PYGB: variants seen among roughly 807,000 people sequenced by gnomAD.
The protein encoded by PYGB is glycogen phosphorylase B.
Under a neutral mutation model 94.3 loss-of-function variants are expected in PYGB, and 82 were observed. That is an observed-to-expected ratio of 0.87 (90% CI 0.73 to 1.04). PYGB has a LOEUF of 1.04. PYGB is among the 50% of genes least tolerant of loss of function. The pLI, the probability that PYGB is intolerant of heterozygous loss-of-function variation, is 0.00. For missense variants in PYGB, 1,132 were observed against 1,158.2 expected, an observed-to-expected ratio of 0.98 and a Z score of 0.33; for synonymous variants, 488 against 479.1, an observed-to-expected ratio of 1.02 and a Z score of -0.24.
rs558111607 is a variant in PYGB, at chr20:25,259,322, A to G, written c.329A>G (p.Asp110Gly). 2 of 1,608,534 alleles carry G rather than the reference A, an allele frequency of 1.2e-6. No homozygotes were observed. The highest frequency in any genetic ancestry group is 1.7e-6 in the Non-Finnish European group (2 of 1,174,906). ...AACCTGGGCCTTCAGAATGCCTGCG[A>G]TGAAGCCATCTATCAGGTACAGAGC... Reference protein sequence around the residue: ...MVNLGLQNACDEAIYQLGLDL... With the variant: ...MVNLGLQNACGEAIYQLGLDL... The change falls in exon 2 of 20, where the codon GAT becomes GGT. Residue 110 changes from aspartate to glycine, a missense_variant. Asp to Gly is a moderately conservative substitution (Grantham distance 94, BLOSUM62 -1). Transcript: ENST00000216962.
chr20:25,278,225 C>G (rs1362587935), intron 7 of PYGB, 94 bp from the exon 8 acceptor site: 11 of 1,405,616 alleles, frequency 7.8e-6, no homozygotes, highest in Non-Finnish European at 1.0e-5. Context: ...TCTCGGCCTT[C>G]TGCCTGCACC....
At chr20:25,267,106 T>C (rs1404148097) in intron 2 of PYGB, among the ~76,000 whole-genome samples, 5 of 152,042 alleles carry the variant, frequency 3.3e-5, no homozygotes, top group African/African-American at 1.2e-4. Context: ...ATTGATAGGG[T>C]AGGTAAACAA....
At chr20:25,292,657 G>C in intron 17 of PYGB, 44 bp downstream of exon 17, 1 of 1,589,062 alleles carries the variant, frequency 6.3e-7, no homozygotes, top group Non-Finnish European at 8.5e-7. Context: ...TGAGGATGGA[G>C]AATGAAGGGT....
In PYGB at chr20:25,269,155, G is replaced by A; in HGVS notation, c.372G>A (p.Glu124=). Reference sequence around the variant, plus strand: ...TGGGGTTAGACTTGGAGGAACTCGAGGAGATAGAAGAAGATGCTGGCCTTG... The same window carrying A: ...TGGGGTTAGACTTGGAGGAACTCGAAGAGATAGAAGAAGATGCTGGCCTTG... ...YQLGLDLEEL[E]EIEEDAGLGN... The change falls in exon 3 of 20, where the codon GAG becomes GAA. Residue 124 remains glutamate, a synonymous_variant. Coordinates refer to ENST00000216962, the MANE Select transcript of PYGB (RefSeq NM_002862.4). The A allele has an allele frequency of 6.3e-7, 1 of 1,598,870 alleles. No homozygotes were observed. The highest frequency in any genetic ancestry group is 8.6e-7 in the Non-Finnish European group (1 of 1,166,082).
chr20:25,281,215 C>G, intron 11 of PYGB, 103 bp downstream of exon 11: 1 of 1,434,900 alleles, frequency 7.0e-7, no homozygotes, highest in Admixed American at 2.0e-5. Flanking sequence ...TAGCATACAA[C>G]CTGTGCCACT....
Position 25,296,400 on chromosome 20 carries a change from A to G in PYGB, c.2410A>G (p.Arg804Gly), listed in dbSNP as rs1388367234. The change falls in exon 20 of 20, where the codon AGG becomes GGG. Residue 804 changes from arginine (R) to glycine (G), a missense_variant. Physicochemically the swap from Arg to Gly is moderately radical, Grantham distance 125 (BLOSUM62 -2). Transcript: ENST00000216962. The part of the protein sequence containing the change: ...NPKEWTKKVI[R>G]NIACSGKFSS... ...CAAGGAGTGGACCAAGAAGGTCATC[A>G]GGAACATCGCCTGCTCGGGCAAGTT... 1.9e-6 allele frequency: 3 copies of G among 1,613,960 alleles called. No homozygotes were observed. Among genetic ancestry groups the G allele is most frequent in the Non-Finnish European group, 2.5e-6 (3 of 1,180,032 alleles).
intron 17 of PYGB, 47 bp downstream of exon 17, chr20:25,292,660 TGAAG>T (rs775221563): frequency 6.3e-6 from 10 of 1,582,752 alleles, no homozygotes; most frequent in Non-Finnish European, 8.6e-6. Context: ...GGATGGAGAA[TGAAG>T]GGTGTTGGGC....
chr20:25,289,703 T>C (rs2257991), intron 15 of PYGB: 172,020 of 377,024 alleles, frequency 0.46, 41,340 homozygotes, highest in East Asian at 0.92. Flanking sequence ...GCAGGAAGAA[T>C]TGTAGCAAAA....
At chr20:25,248,908 C>T (rs73904034) in intron 1 of PYGB, among the ~76,000 whole-genome samples, 3,412 of 152,084 alleles carry the variant, frequency 0.022, 120 homozygotes, top group African/African-American at 0.075. Context: ...TTTTTGTGTA[C>T]GCTGCTTAGA....
Position 25,290,578 on chromosome 20 carries a change from A to C in PYGB, c.1925A>C (p.Lys642Thr), listed in dbSNP as rs1353160195. 2 of 1,609,600 alleles carry C rather than the reference A, an allele frequency of 1.2e-6. No individual in the cohort carries two copies. The highest frequency in any genetic ancestry group is 2.7e-5 in the African/African-American group (2 of 74,882). ...GACCCAGTTGTGGGTGACAGGTTGAAAGTGATCTTCCTGGAGAACTACCGT... is the reference window on the plus strand; with the variant it reads ...GACCCAGTTGTGGGTGACAGGTTGACAGTGATCTTCCTGGAGAACTACCGT... ...NHDPVVGDRL[K>T]VIFLENYRVS... The change falls in exon 16 of 20, where the codon AAA (lysine) becomes ACA (threonine). Residue 642 changes from lysine (K) to threonine (T), a missense_variant. Coordinates refer to ENST00000216962, the MANE Select transcript of PYGB (RefSeq NM_002862.4).
At chr20:25,266,242 A>G (rs1041924791) in intron 2 of PYGB, among the ~76,000 whole-genome samples, 1 of 130,414 alleles carries the variant, frequency 7.7e-6, no homozygotes, top group African/African-American at 3.1e-5. Flanking sequence ...GGTGTCATAT[A>G]GATCAATTGA....
intron 5 of PYGB, 108 bp downstream of exon 5, chr20:25,274,831 C>T: frequency 1.4e-6 from 2 of 1,464,660 alleles, no homozygotes. Flanking sequence ...CTTGCTGCCT[C>T]CCTGGAGGAC....
intron 3 of PYGB, among the ~76,000 whole-genome samples, chr20:25,270,095 C>G (rs1007389561): frequency 2.3e-4 from 35 of 152,150 alleles, no homozygotes; most frequent in African/African-American, 8.4e-4. Context: ...AGCAGAGGGC[C>G]TGACAGGCAT....
chr20:25,293,193 G>A (rs1160895612), intron 17 of PYGB, among the ~76,000 whole-genome samples: 1 of 151,954 alleles, frequency 6.6e-6, no homozygotes, highest in Non-Finnish European at 1.5e-5. Context: ...AGGGAATCCT[G>A]AAGACAGCAC....
intron 15 of PYGB, among the ~76,000 whole-genome samples, chr20:25,289,205 C>A (rs917808887): frequency 3.9e-5 from 6 of 152,268 alleles, no homozygotes; most frequent in Non-Finnish European, 8.8e-5. Context: ...GCTCCGCCAC[C>A]TCCTGGCACA....
rs949320194 is a variant in PYGB at position 25,284,252 on chromosome 20, G to A, written c.1768+1G>A. The A allele has an allele frequency of 1.1e-5, 17 of 1,612,518 alleles. No homozygotes were observed. Among genetic ancestry groups the A allele is most frequent in the Non-Finnish European group, 1.4e-5 (17 of 1,179,188 alleles). ...CTGCACGTCGTCACCCTGTACAATC[G>A]TGAGTGCCGGCATCACCTGCATGAC... On this transcript the variant is annotated splice_donor_variant, in intron 14 of 19. Transcript: ENST00000216962. LOFTEE classifies it high-confidence loss of function.
intron 5 of PYGB, among the ~76,000 whole-genome samples, chr20:25,275,137 A>G (rs1322156563): frequency 5.3e-5 from 8 of 152,250 alleles, no homozygotes; most frequent in Non-Finnish European, 1.2e-4. Flanking sequence ...AGCACACGAC[A>G]AGCTCGCTTG....
intron 14 of PYGB, 36 bp from the exon 15 acceptor site, chr20:25,288,389 G>A (rs201606175): frequency 1.2e-4 from 188 of 1,613,446 alleles, no homozygotes; most frequent in African/African-American, 7.2e-4. Flanking sequence ...TCCGGCTCGC[G>A]GTGCCTTGTG....
At chr20:25,276,406 C>T (rs1180077785) in intron 5 of PYGB, among the ~76,000 whole-genome samples, 4 of 151,986 alleles carry the variant, frequency 2.6e-5, no homozygotes, top group African/African-American at 9.7e-5. Context: ...TAGGTCTGGT[C>T]TGGGGAGGGT....
Sources: gnomAD v4.1 joint callset for allele counts (sites outside exome capture counted in the v4.1 genomes callset) on GRCh38, gnomAD v4.1.1 for gene constraint, MANE v1.5 for transcripts, NCBI Gene and HGNC (gene_info 2026-07-23, HGNC 2026-07-21) for gene names.